Variants in CBFA2T2 observed in about 807,000 individuals in gnomAD.
The protein encoded by CBFA2T2 is protein CBFA2T2.
Under a neutral mutation model 62.2 loss-of-function variants are expected in CBFA2T2, and 11 were observed. That is an observed-to-expected ratio of 0.18 (90% confidence interval 0.11 to 0.29). CBFA2T2 has a LOEUF of 0.29. CBFA2T2 is among the 10% of genes least tolerant of loss of function. CBFA2T2 has a pLI of 1.00. For synonymous variants in CBFA2T2, 295 were observed against 287.5 expected (o/e 1.03, Z -0.27); for missense variants, 592 against 774.1 (o/e 0.76, Z 2.79).
chr20:33,582,297 T>C (rs534910988), intron 1 of CBFA2T2, among the ~76,000 whole-genome samples: 1 of 149,198 alleles, frequency 6.7e-6, no homozygotes, highest in Non-Finnish European at 1.5e-5. Context: ...GAGACCAGCC[T>C]GGCCAACATG....
chr20:33,608,669 T>TA, intron 2 of CBFA2T2, among the ~76,000 whole-genome samples: 1 of 152,228 alleles, frequency 6.6e-6, no homozygotes, highest in African/African-American at 2.4e-5. Flanking sequence ...GATTTCAAGA[T>TA]ACACCAATAG....
At chr20:33,557,068 G>A (rs575263641) in intron 1 of CBFA2T2, among the ~76,000 whole-genome samples, 77 of 133,398 alleles carry the variant, frequency 5.8e-4, no homozygotes, top group African/African-American at 1.6e-3. Context: ...CGGCTGGAGT[G>A]CAATGGCATG....
Position 33,539,083 on chromosome 20 carries a change from T to A in CBFA2T2, c.34+48782T>A, listed in dbSNP as rs116604546. Among the ~76,000 whole-genome samples, 848 of 152,308 alleles carry A rather than the reference T, an allele frequency of 5.6e-3. 5 individuals are homozygous for A. Among genetic ancestry groups the A allele is most frequent in the African/African-American group, 0.019 (792 of 41,560 alleles). On this transcript the variant is annotated intron_variant, in intron 1 of 10. Transcript: ENST00000342704. ...TTCTAGCCTAGGTCCCACTTAAAAT[T>A]ATAGTTGGGGAGAGAGCATCAGAGT...
chr20:33,605,665 C>G (rs545762524), intron 1 of CBFA2T2, among the ~76,000 whole-genome samples: 8 of 152,176 alleles, frequency 5.3e-5, no homozygotes, highest in Non-Finnish European at 7.3e-5. Flanking sequence ...GAAGTAGCCT[C>G]TGCTTCATGT....
intron 8 of CBFA2T2, among the ~76,000 whole-genome samples, chr20:33,631,564 G>A (rs2016452193): frequency 6.6e-6 from 1 of 151,992 alleles, no homozygotes; most frequent in South Asian, 2.1e-4. Context: ...AGCTCTTGCT[G>A]GAGTCATTCA....
intron 9 of CBFA2T2, chr20:33,638,831 G>A (rs144831074): frequency 3.0e-4 from 46 of 152,374 alleles, no homozygotes; most frequent in African/African-American, 1.1e-3. Flanking sequence ...GGGAAATCAA[G>A]CAGGGCATTG....
At chr20:33,567,977 G>A (rs2013409335) in intron 1 of CBFA2T2, among the ~76,000 whole-genome samples, 1 of 152,146 alleles carries the variant, frequency 6.6e-6, no homozygotes, top group Non-Finnish European at 1.5e-5. Context: ...CATCCGCTGG[G>A]GGTCTTGGAA....
chr20:33,593,124 G>T (rs1384333584), intron 1 of CBFA2T2, among the ~76,000 whole-genome samples: 1 of 152,012 alleles, frequency 6.6e-6, no homozygotes, highest in Non-Finnish European at 1.5e-5. Flanking sequence ...TTGAGGCCAG[G>T]AGTTGGAGAC....
intron 1 of CBFA2T2, among the ~76,000 whole-genome samples, chr20:33,560,398 G>C (rs557948505): frequency 6.6e-6 from 1 of 152,296 alleles, no homozygotes; most frequent in South Asian, 2.1e-4. Context: ...GCATTAACTT[G>C]TTTGAACATT....
chr20:33,512,482 G>T (rs1858303973), intron 1 of CBFA2T2, among the ~76,000 whole-genome samples: 2 of 152,216 alleles, frequency 1.3e-5, no homozygotes, highest in Admixed American at 1.3e-4. Flanking sequence ...CATTAGTTTT[G>T]CTTTATTCTT....
At chr20:33,544,619 C>A (rs1275917708) in intron 1 of CBFA2T2, among the ~76,000 whole-genome samples, 1 of 152,084 alleles carries the variant, frequency 6.6e-6, no homozygotes, top group African/African-American at 2.4e-5. Flanking sequence ...GCGATCTCGG[C>A]TCACTGTAAC....
chr20:33,627,084 T>C (rs2016259877), intron 6 of CBFA2T2, among the ~76,000 whole-genome samples: 1 of 152,110 alleles, frequency 6.6e-6, no homozygotes, highest in Non-Finnish European at 1.5e-5. Context: ...CTCCTATGCC[T>C]CTCTTTTATC....
chr20:33,528,519 C>A (rs1248778010), intron 1 of CBFA2T2, among the ~76,000 whole-genome samples: 1 of 152,098 alleles, frequency 6.6e-6, no homozygotes, highest in Non-Finnish European at 1.5e-5. Context: ...ATCAGAGGAT[C>A]CCAGATGAGG....
chr20:33,589,772 T>C (rs758386709), intron 1 of CBFA2T2, among the ~76,000 whole-genome samples: 3 of 152,210 alleles, frequency 2.0e-5, no homozygotes, highest in Admixed American at 6.5e-5. Flanking sequence ...AGCTGTTCAA[T>C]TGAAATATAA....
intron 1 of CBFA2T2, among the ~76,000 whole-genome samples, chr20:33,525,557 C>T (rs1218067042): frequency 2.0e-5 from 3 of 152,098 alleles, no homozygotes; most frequent in Admixed American, 6.6e-5. Flanking sequence ...ACCATCACTG[C>T]ACACAGTGCA....
intron 1 of CBFA2T2, among the ~76,000 whole-genome samples, chr20:33,580,766 T>G (rs2014075394): frequency 6.6e-6 from 1 of 152,044 alleles, no homozygotes; most frequent in African/African-American, 2.4e-5. Context: ...GGTGGGAGAA[T>G]CACCCTGAGC....
intron 1 of CBFA2T2, among the ~76,000 whole-genome samples, chr20:33,572,384 G>T (rs1289225091): frequency 2.0e-5 from 3 of 152,072 alleles, no homozygotes; most frequent in African/African-American, 7.2e-5. Flanking sequence ...ATAAATGGAT[G>T]AATTAATTGG....
At chr20:33,495,252 G>A (rs2011187686) in intron 1 of CBFA2T2, among the ~76,000 whole-genome samples, 1 of 151,348 alleles carries the variant, frequency 6.6e-6, no homozygotes, top group African/African-American at 2.4e-5. Context: ...ACAAAAAGAA[G>A]CTGGCTGTGG....
chr20:33,621,313 T>TTTTG (rs1491565812), intron 4 of CBFA2T2, among the ~76,000 whole-genome samples: 4 of 108,096 alleles, frequency 3.7e-5, no homozygotes, highest in African/African-American at 1.6e-4. Context: ...TTTTTTTTTT[T>TTTTG]GGGGAGACAA....
Sources: allele counts gnomAD v4.1 joint callset (sites outside exome capture counted in the v4.1 genomes callset), GRCh38; gene constraint gnomAD v4.1.1; transcripts MANE v1.5; gene names NCBI Gene and HGNC (gene_info 2026-07-23, HGNC 2026-07-21).